GUCY2C: variants seen among roughly 807,000 people sequenced by gnomAD.
The protein encoded by GUCY2C is guanylate cyclase 2C.
Under a neutral mutation model 131.1 loss-of-function variants are expected in GUCY2C, and 118 were observed. The observed-to-expected ratio is 0.90, with a 90% CI of 0.78 to 1.05. The LOEUF (loss-of-function observed/expected upper bound fraction) is 1.05, where lower values mean the gene tolerates loss of function less well. Ranked by LOEUF, GUCY2C falls within the 50% of genes least tolerant of loss-of-function variation. The pLI is 0.00. For synonymous variants in GUCY2C, 452 were observed against 457.8 expected, an observed-to-expected ratio of 0.99 and a Z score of 0.16; for missense variants, 1,161 against 1,304.4, an observed-to-expected ratio of 0.89 and a Z score of 1.69.
intron 15 of GUCY2C, among the ~76,000 whole-genome samples, chr12:14,650,461 T>C (rs1947625305): frequency 2.0e-5 from 3 of 152,190 alleles, no homozygotes; most frequent in Admixed American, 2.0e-4. Context: ...TTGGCCAAGA[T>C]GGTCTCGATC....
chr12:14,669,333 T>G (rs1948052363), intron 10 of GUCY2C, among the ~76,000 whole-genome samples: 1 of 151,836 alleles, frequency 6.6e-6, no homozygotes, highest in African/African-American at 2.4e-5. Context: ...GCCTCCCAAG[T>G]AGCTGGGAAC....
At chr12:14,689,346 T>G (rs1948534871) in intron 1 of GUCY2C, among the ~76,000 whole-genome samples, 1 of 151,734 alleles carries the variant, frequency 6.6e-6, no homozygotes, top group African/African-American at 2.4e-5. Flanking sequence ...TGGAGCAGGT[T>G]TGCTAATGTG....
chr12:14,627,344 A>G (rs1409133047), intron 20 of GUCY2C, among the ~76,000 whole-genome samples: 1 of 152,178 alleles, frequency 6.6e-6, no homozygotes, highest in Admixed American at 6.5e-5. Flanking sequence ...GAAAATTGCT[A>G]GGCTTGGAAT....
At chr12:14,659,267 A>G (rs1173853690) in intron 11 of GUCY2C, among the ~76,000 whole-genome samples, 2 of 150,562 alleles carry the variant, frequency 1.3e-5, no homozygotes, top group African/African-American at 2.4e-5. Context: ...CTGGTCTTGA[A>G]CTCCTGACCT....
chr12:14,682,940 G>C, intron 4 of GUCY2C, 102 bp downstream of exon 4: 1 of 725,138 alleles, frequency 1.4e-6, no homozygotes, highest in Non-Finnish European at 2.4e-6. Flanking sequence ...ACCCAATGCT[G>C]TTACCAGTGG....
At chr12:14,649,319 A>G (rs1947591353) in intron 15 of GUCY2C, among the ~76,000 whole-genome samples, 1 of 152,258 alleles carries the variant, frequency 6.6e-6, no homozygotes, top group Non-Finnish European at 1.5e-5. Flanking sequence ...AGAAGAAATT[A>G]TAATTCCCAT....
intron 19 of GUCY2C, among the ~76,000 whole-genome samples, chr12:14,638,689 C>T (rs186443855): frequency 1.3e-5 from 2 of 151,948 alleles, no homozygotes; most frequent in Non-Finnish European, 2.9e-5. Flanking sequence ...ATAATGATAG[C>T]CAGAGACTGG....
At chr12:14,634,413 T>A (rs932152838) in intron 19 of GUCY2C, among the ~76,000 whole-genome samples, 1 of 152,144 alleles carries the variant, frequency 6.6e-6, no homozygotes, top group African/African-American at 2.4e-5. Flanking sequence ...AGTGAAAGGA[T>A]GTCATCTACC....
rs563748780 is a variant in GUCY2C, at chr12:14,683,873, A to AT, written c.396-617dup. On this transcript the variant is annotated intron_variant, in intron 3 of 26. Coordinates refer to ENST00000261170, the MANE Select transcript of GUCY2C (RefSeq NM_004963.4). ...TTTTCATTTATTTTAGTGTTTTGAGATTTTTTCATTTATTTTAGTGTTTTG... is the reference window on the plus strand; with the variant it reads ...TTTTCATTTATTTTAGTGTTTTGAGATTTTTTTCATTTATTTTAGTGTTTTG... Among the ~76,000 whole-genome samples, 113 of 151,864 alleles carry AT rather than the reference A, an allele frequency of 7.4e-4. 1 individual carries two copies. The highest frequency in any genetic ancestry group is 2.7e-3 in the African/African-American group (111 of 41,424).
Position 14,696,231 on chromosome 12 carries a change from C to G in GUCY2C, c.217+1G>C, listed in dbSNP as rs992870090. On this transcript the variant is annotated splice_donor_variant, in intron 1 of 26. Coordinates refer to ENST00000261170, the MANE Select transcript of GUCY2C (RefSeq NM_004963.4). LOFTEE classifies it high-confidence loss of function. The stretch of plus-strand genomic sequence containing the variant: ...GGAAGATTCTATTAACATTTTCTTA[C>G]CAGCATTTTGCAGACGTCCTCTCAC... 6.2e-7 allele frequency: 1 copy of G among 1,610,200 alleles called. No homozygotes were observed. Among genetic ancestry groups the G allele is most frequent in the African/African-American group, 1.3e-5 (1 of 74,864 alleles).
In GUCY2C at chr12:14,616,656, C is replaced by T. The variant is rs1565602635; in HGVS notation, c.2947G>A (p.Val983Met). ...ACCTTTAAGTATGTTTCTCCTCTCA[C>T]TTCATAAAGGAACTGGCACTCAGTT... ...KRTECQFLYE[V>M]RGETYLKGRG... The change falls in exon 25 of 27, where the codon GTG becomes ATG. Residue 983 changes from valine to methionine, a missense_variant. Physicochemically the swap from Val to Met is conservative, Grantham distance 21. Coordinates refer to ENST00000261170, the MANE Select transcript of GUCY2C (RefSeq NM_004963.4). 6.3e-7 allele frequency: 1 copy of T among 1,595,814 alleles called. No individual in the cohort carries two copies. The highest frequency in any genetic ancestry group is 8.6e-7 in the Non-Finnish European group (1 of 1,163,466).
intron 2 of GUCY2C, among the ~76,000 whole-genome samples, chr12:14,687,448 T>C (rs1379424297): frequency 6.6e-6 from 1 of 152,092 alleles, no homozygotes; most frequent in African/African-American, 2.4e-5. Flanking sequence ...GGTGAAACCC[T>C]GTCTCTACAA....
chr12:14,670,903 G>A (rs1230090860), intron 9 of GUCY2C, among the ~76,000 whole-genome samples: 1 of 151,596 alleles, frequency 6.6e-6, no homozygotes, highest in Non-Finnish European at 1.5e-5. Flanking sequence ...CATAATCATG[G>A]TGGAGGGTGA....
chr12:14,662,959 G>A (rs1286056936), intron 10 of GUCY2C, among the ~76,000 whole-genome samples: 1 of 152,002 alleles, frequency 6.6e-6, no homozygotes, highest in African/African-American at 2.4e-5. Flanking sequence ...ACAATTGATA[G>A]GACAACACTA....
At chr12:14,617,781 A>G (rs1946800498) in intron 24 of GUCY2C, among the ~76,000 whole-genome samples, 1 of 152,126 alleles carries the variant, frequency 6.6e-6, no homozygotes, top group Admixed American at 6.6e-5. Flanking sequence ...CATCATCCCA[A>G]ATTATTTCAG....
chr12:14,619,749 G>A (rs903438704), intron 23 of GUCY2C: 3 of 154,384 alleles, frequency 1.9e-5, no homozygotes, highest in African/African-American at 4.8e-5. Context: ...TGGCATTTCT[G>A]GGATTGGTGC....
At position 14,696,499 on chromosome 12, in the gene GUCY2C, G is replaced by C; in HGVS notation, c.-51C>G. 6 of 1,427,406 alleles carry C rather than the reference G, an allele frequency of 4.2e-6. No homozygotes were observed. The allele number at this position is 1,427,406 out of a possible 1,614,324, so 88.4% of individuals were successfully genotyped here. On this transcript the variant is annotated 5_prime_UTR_variant, in exon 1 of 27. Transcript: ENST00000261170. Reference sequence around the variant, plus strand: ...TCCTTGTGCCCACTTGCTTTGCTCTGTTGGGCTCCTAGGGAGGCAGGGAAT... The same window carrying C: ...TCCTTGTGCCCACTTGCTTTGCTCTCTTGGGCTCCTAGGGAGGCAGGGAAT...
chr12:14,621,100 G>A lies in GUCY2C; in HGVS notation c.2718C>T (p.Thr906=), dbSNP rs1380786736. 3.1e-6 allele frequency: 5 copies of A among 1,613,896 alleles called. No individual in the cohort carries two copies. The highest frequency in any genetic ancestry group is 2.7e-5 in the African/African-American group (2 of 74,916). The change falls in exon 23 of 27, where the codon ACC becomes ACT. Residue 906 remains threonine (T), a synonymous_variant. Coordinates refer to ENST00000261170, the MANE Select transcript of GUCY2C (RefSeq NM_004963.4). The stretch of plus-strand genomic sequence containing the variant: ...GGCCAGGAAGATGCTCCAGCTCAAA[G>A]GTCCCCATGAAGCTGAGGATTTCCA... ...MALEILSFMG[T]FELEHLPGLP... is the part of the protein sequence containing the mutation.
intron 21 of GUCY2C, among the ~76,000 whole-genome samples, chr12:14,623,060 G>A (rs1052676192): frequency 6.6e-6 from 1 of 152,168 alleles, no homozygotes; most frequent in African/African-American, 2.4e-5. Context: ...CTGGAAGCTG[G>A]GAGGTTCCAC....
Sources: gnomAD v4.1 joint callset for allele counts (sites outside exome capture counted in the v4.1 genomes callset) on GRCh38, gnomAD v4.1.1 for gene constraint, MANE v1.5 for transcripts, NCBI Gene and HGNC (gene_info 2026-07-23, HGNC 2026-07-21) for gene names.